Variants in HMGCL observed in about 807,000 individuals in gnomAD.
HMGCL encodes the protein hydroxymethylglutaryl-CoA lyase, mitochondrial.
HMGCL carries 26 observed loss-of-function variants against 37.3 expected under a neutral mutation model. The observed-to-expected ratio is 0.70, with a 90% CI of 0.51 to 0.97. HMGCL has a LOEUF of 0.97. Among genes scored for constraint, HMGCL ranks in the 50% least tolerant of loss-of-function variants. HMGCL has a pLI of 0.00. For missense variants in HMGCL, 379 were observed against 398.1 expected, an observed-to-expected ratio of 0.95 and a Z score of 0.41; for synonymous variants, 151 against 148.0, an observed-to-expected ratio of 1.02 and a Z score of -0.15.
intron 1 of HMGCL, among the ~76,000 whole-genome samples, chr1:23,823,179 CAA>C (rs60736552): frequency 3.5e-4 from 13 of 37,232 alleles, no homozygotes; most frequent in African/African-American, 8.0e-4. Context: ...TTCTTCATCT[CAA>C]AAAAAAAAAA....
At chr1:23,816,392 C>T (rs1003837463) in intron 4 of HMGCL, 7 of 473,670 alleles carry the variant, frequency 1.5e-5, no homozygotes, top group African/African-American at 1.2e-4. Context: ...ATTTATTAAG[C>T]AGTTACCTTT....
chr1:23,808,767 C>A (rs1232632503), intron 6 of HMGCL, among the ~76,000 whole-genome samples: 4 of 131,400 alleles, frequency 3.0e-5, no homozygotes, highest in African/African-American at 1.2e-4. Flanking sequence ...TTTTTGAGAC[C>A]GGGTCTCACT....
Position 23,802,455 on chromosome 1 carries a change from CA to C in HMGCL, c.*7del, listed in dbSNP as rs767529218. On this transcript the variant is annotated 3_prime_UTR_variant, in exon 9 of 9. Transcript: ENST00000374490. The stretch of plus-strand genomic sequence containing the variant: ...CATCATCCCCAGGGCTTCAGGTGGG[CA>C]AGGGGCTCAGAGTTTACAGGTAGCC... 8.9e-6 allele frequency: 14 copies of C among 1,571,814 alleles called. No homozygotes were observed. Among genetic ancestry groups the C allele is most frequent in the Non-Finnish European group, 1.2e-5 (14 of 1,141,560 alleles).
At chr1:23,810,715 C>A (rs376148350) in intron 6 of HMGCL, 21 bp downstream of exon 6, 2 of 1,612,578 alleles carry the variant, frequency 1.2e-6, no homozygotes, top group Non-Finnish European at 1.7e-6. Context: ...CCAAACCCCC[C>A]GCCCTGACAC....
Position 23,825,345 on chromosome 1 carries a change from G to A in HMGCL, c.60+11C>T. ...TGCAGGGCCGCCGCCTCGGCGGCTCGGGGCACTTACAGCCCGGAGGGACGC... is the reference window on the plus strand; with the variant it reads ...TGCAGGGCCGCCGCCTCGGCGGCTCAGGGCACTTACAGCCCGGAGGGACGC... On this transcript the variant is annotated intron_variant, in intron 1 of 8. Coordinates refer to ENST00000374490, the MANE Select transcript of HMGCL (RefSeq NM_000191.3). 6.4e-7 allele frequency: 1 copy of A among 1,553,500 alleles called. No individual in the cohort carries two copies. Among genetic ancestry groups the A allele is most frequent in the Non-Finnish European group, 8.7e-7 (1 of 1,148,586 alleles).
chr1:23,817,685 G>A lies in HMGCL; in HGVS notation c.145-102C>T, dbSNP rs962917962. 5.3e-6 allele frequency: 4 copies of A among 750,292 alleles called. No individual in the cohort carries two copies. The African/African-American group carries it at 6.8e-5, about 13-fold the overall frequency. The allele number at this position is 750,292 out of a possible 1,614,324, so 46.5% of individuals were successfully genotyped here. A position where few individuals can be genotyped will look rare whatever the true frequency, so the allele number is the denominator to read the frequency against. On this transcript the variant is annotated intron_variant, in intron 2 of 8. Transcript: ENST00000374490. ...AGTACTATAGATAATTTTTTGCAGT[G>A]GATGCAGCTTCTCACCTGAAAAGGA...
intron 6 of HMGCL, chr1:23,810,396 T>G (rs1393212969): frequency 2.7e-6 from 1 of 364,342 alleles, no homozygotes; most frequent in African/African-American, 2.1e-5. Context: ...TCAGAGGACA[T>G]CAGGGTTGTG....
chr1:23,805,762 C>G (rs1019012111), intron 7 of HMGCL, among the ~76,000 whole-genome samples: 1 of 152,174 alleles, frequency 6.6e-6, no homozygotes, highest in East Asian at 1.9e-4. Context: ...GTTAACTGCA[C>G]CCAGGTTAAC....
At chr1:23,807,755 C>A (rs1638440031) in intron 7 of HMGCL, among the ~76,000 whole-genome samples, 1 of 152,192 alleles carries the variant, frequency 6.6e-6, no homozygotes, top group Non-Finnish European at 1.5e-5. Context: ...TCCTGAGGTG[C>A]AATTCTGCCT....
At chr1:23,804,218 C>A (rs1570642009) in intron 8 of HMGCL, 182 bp downstream of exon 8, 1 of 704,126 alleles carries the variant, frequency 1.4e-6, no homozygotes, top group East Asian at 2.5e-5. Flanking sequence ...TCAAGTGACC[C>A]TCCTGCCTCA....
intron 1 of HMGCL, among the ~76,000 whole-genome samples, chr1:23,821,535 T>C (rs1638720993): frequency 6.6e-6 from 1 of 151,772 alleles, no homozygotes; most frequent in Admixed American, 6.6e-5. Context: ...GGAATGGACA[T>C]GTAGTCCCAG....
In HMGCL at chr1:23,802,319, C is replaced by G; in HGVS notation, c.*144G>C. 1 of 706,258 alleles carries G rather than the reference C, an allele frequency of 1.4e-6. No homozygotes were observed. Among genetic ancestry groups the G allele is most frequent in the Non-Finnish European group, 2.6e-6 (1 of 388,746 alleles). 43.7% of individuals were successfully genotyped at this position (706,258 alleles called of 1,614,324 possible). A position where few individuals can be genotyped will look rare whatever the true frequency, so the allele number is the denominator to read the frequency against. The stretch of plus-strand genomic sequence containing the variant: ...GCTCCTCCTGCCCTTCGCCTGCTTT[C>G]TGCCAGGAGAGACCTCTGTGTAGAG... On this transcript the variant is annotated 3_prime_UTR_variant, in exon 9 of 9. Transcript: ENST00000374490.
intron 4 of HMGCL, among the ~76,000 whole-genome samples, chr1:23,815,582 G>A (rs1022430312): frequency 6.7e-6 from 1 of 149,958 alleles, no homozygotes; most frequent in Admixed American, 6.7e-5. Flanking sequence ...TGCAACCTCC[G>A]CCTTCCGGGT....
chr1:23,816,599 G>T, intron 4 of HMGCL, 76 bp downstream of exon 4: 1 of 917,362 alleles, frequency 1.1e-6, no homozygotes, highest in Non-Finnish European at 1.8e-6. Context: ...ACAGGGGACT[G>T]AGGCGCCAAG....
Position 23,806,449 on chromosome 1 carries a change from G to GAAC in HMGCL, c.750+1683_750+1685dup, listed in dbSNP as rs1201119698. On this transcript the variant is annotated intron_variant, in intron 7 of 8. Transcript: ENST00000374490. The surrounding 1 kb of genome is among the most constrained non-coding windows in gnomAD (Gnocchi z 4.0). ...CGCCACATGCCTCCTCCTGATCCCT[G>GAAC]AACACAGCAAGCACACTCCTCCCTC... Among the ~76,000 whole-genome samples the GAAC allele has an allele frequency of 6.6e-6, 1 of 152,092 alleles. No homozygotes were observed. Among genetic ancestry groups the GAAC allele is most frequent in the Non-Finnish European group, 1.5e-5 (1 of 68,008 alleles).
chr1:23,810,563 C>T (rs890772942), intron 6 of HMGCL, 173 bp downstream of exon 6: 1 of 652,224 alleles, frequency 1.5e-6, no homozygotes, highest in Middle Eastern at 3.8e-4. Context: ...AGGAGGGGGG[C>T]CTCTAGGGAG....
chr1:23,808,733 AT>A (rs1323121168), intron 6 of HMGCL, among the ~76,000 whole-genome samples: 22 of 129,056 alleles, frequency 1.7e-4, no homozygotes, highest in South Asian at 1.5e-3. Context: ...TGCTAGTTAT[AT>A]TTTTTTTCTT....
rs1570647800 is a variant in HMGCL at position 23,810,909 on chromosome 1, GC to G, written c.498-111del. 7.2e-6 allele frequency: 6 copies of G among 833,018 alleles called. No homozygotes were observed. In the East Asian group the frequency reaches 1.6e-4, roughly 22 times the overall value. The allele number at this position is 833,018 out of a possible 1,614,324, so 51.6% of individuals were successfully genotyped here. On this transcript the variant is annotated intron_variant, in intron 5 of 8. Transcript: ENST00000374490. ...TCTGATCAGTGTGCAATCAACACCT[GC>G]AGCTGGGCGGAGTAAGGGCAGGGAT...
At chr1:23,820,372 G>A in intron 2 of HMGCL, 138 bp downstream of exon 2, 2 of 716,276 alleles carry the variant, frequency 2.8e-6, no homozygotes, top group Non-Finnish European at 5.1e-6. Flanking sequence ...TCCCTGTTTG[G>A]CCTCCTCTAC....
Sources: allele counts gnomAD v4.1 joint callset (sites outside exome capture counted in the v4.1 genomes callset), GRCh38; gene constraint gnomAD v4.1.1; non-coding constraint Gnocchi (gnomAD v3.1); transcripts MANE v1.5; gene names NCBI Gene and HGNC (gene_info 2026-07-23, HGNC 2026-07-21).